The following CDH7 variants were observed in gnomAD, a reference collection of about 807,000 sequenced individuals.
CDH7 encodes the protein cadherin-7.
In CDH7, 25 loss-of-function variants were observed where a neutral mutation model predicts 71.8. The ratio of observed to expected loss-of-function variants is 0.35; its 90% CI spans 0.25 to 0.49. The LOEUF (loss-of-function observed/expected upper bound fraction) is 0.49. Ranked by LOEUF, CDH7 falls within the 20% of genes least tolerant of loss-of-function variation. The pLI, the probability that CDH7 is intolerant of heterozygous loss-of-function variation, is 0.99. For missense variants in CDH7, 862 were observed against 974.6 expected, an observed-to-expected ratio of 0.88 and a Z score of 1.54; for synonymous variants, 381 against 363.8, an observed-to-expected ratio of 1.05 and a Z score of -0.54.
chr18:65,850,189 A>ATAT (rs373950984), intron 7 of CDH7, among the ~76,000 whole-genome samples: 15,141 of 143,638 alleles, frequency 0.11, 1,657 homozygotes, highest in African/African-American at 0.28. Flanking sequence ...TATATATATA[A>ATAT]AATTAAATAC....
At chr18:65,801,534 A>G (rs894890081) in intron 2 of CDH7, among the ~76,000 whole-genome samples, 22 of 152,150 alleles carry the variant, frequency 1.4e-4, no homozygotes, top group Non-Finnish European at 2.6e-4. Context: ...CACACTTTTG[A>G]TGGATTTAGA....
intron 6 of CDH7, among the ~76,000 whole-genome samples, chr18:65,835,940 G>T (rs570556522): frequency 1.3e-5 from 2 of 152,236 alleles, no homozygotes; most frequent in Admixed American, 6.5e-5. Context: ...ACATAATTGG[G>T]TGCAGTATAA....
chr18:65,843,942 T>C lies in CDH7; in HGVS notation c.1112T>C (p.Val371Ala). The C allele has an allele frequency of 6.2e-7, 1 of 1,611,764 alleles. No homozygotes were observed. Among genetic ancestry groups the C allele is most frequent in the Non-Finnish European group, 8.5e-7 (1 of 1,178,644 alleles). ...TTTVKIIVED[V>A]DEPPVFSSPL... ...ACTGTGAAGATAATTGTGGAAGATG[T>C]AGATGAGCCCCCTGTGTTCTCTTCA... Residue 371 changes from valine to alanine, a missense_variant, in exon 7 of 12, where the codon GTA becomes GCA. By Grantham distance (64) the Val-to-Ala change is moderately conservative. Transcript: ENST00000397968.
chr18:65,813,016 C>CA (rs1911596874), intron 3 of CDH7, among the ~76,000 whole-genome samples: 1 of 152,138 alleles, frequency 6.6e-6, no homozygotes, highest in Non-Finnish European at 1.5e-5. Flanking sequence ...ATCCACAGGG[C>CA]ACAATCATCT....
In CDH7 at chr18:65,858,969, C is replaced by T. The variant is rs770479958; in HGVS notation, c.1417C>T (p.Leu473Phe). 1.9e-6 allele frequency: 3 copies of T among 1,611,964 alleles called. No homozygotes were observed. Among genetic ancestry groups the T allele is most frequent in the African/African-American group, 1.3e-5 (1 of 74,854 alleles). The stretch of plus-strand genomic sequence containing the variant: ...AAGAGGCTATGTGGCCATCACTATA[C>T]TTGACATCAATGATAACGCCCCTGA... ...VGRGYVAITILDINDNAPEFA... is the reference protein window; with the variant it reads ...VGRGYVAITIFDINDNAPEFA... Residue 473 changes from leucine (L) to phenylalanine (F), a missense_variant, in exon 9 of 12, where the codon CTT (leucine) becomes TTT (phenylalanine). Transcript: ENST00000397968.
At chr18:65,809,340 A>G (rs1281723741) in intron 2 of CDH7, among the ~76,000 whole-genome samples, 1 of 152,256 alleles carries the variant, frequency 6.6e-6, no homozygotes, top group African/African-American at 2.4e-5. Context: ...TTTGCTTAGA[A>G]TAGATCAAAT....
intron 6 of CDH7, among the ~76,000 whole-genome samples, chr18:65,831,644 T>C (rs12455246): frequency 0.81 from 122,838 of 151,942 alleles, 53,674 homozygotes; most frequent in East Asian, 0.99. Flanking sequence ...ATACCCTAGA[T>C]AAAACTTTTC....
At position 65,782,162 on chromosome 18, in the gene CDH7, CT is replaced by C. The variant is rs1466611619; in HGVS notation, c.210+19112del. On this transcript the variant is annotated intron_variant, in intron 2 of 11. Transcript: ENST00000397968. Reference sequence around the variant, plus strand: ...TCTTTCTTTCTTTCTTTCTTTCTTTCTTCCTTTCTTTCTTTCTTTCTTTCTT... The same window carrying C: ...TCTTTCTTTCTTTCTTTCTTTCTTTCTCCTTTCTTTCTTTCTTTCTTTCTT... 3.5e-4 allele frequency among the ~76,000 whole-genome samples: 37 copies of C among 106,474 alleles called. 6 individuals carry two copies. Among genetic ancestry groups the C allele is most frequent in the African/African-American group, 1.7e-3 (35 of 20,494 alleles). The allele number at this position is 106,474 out of a possible 152,430, so 69.9% of individuals were successfully genotyped here. A position where few individuals can be genotyped will look rare whatever the true frequency, so the allele number is the denominator to read the frequency against.
chr18:65,800,743 A>G (rs965331525), intron 2 of CDH7, among the ~76,000 whole-genome samples: 2 of 152,210 alleles, frequency 1.3e-5, no homozygotes, highest in African/African-American at 4.8e-5. Flanking sequence ...TAATATATTT[A>G]TGTGATAAGA....
At chr18:65,768,611 T>C (rs1916450801) in intron 2 of CDH7, among the ~76,000 whole-genome samples, 1 of 152,214 alleles carries the variant, frequency 6.6e-6, no homozygotes, top group African/African-American at 2.4e-5. Context: ...TGCGCTGTAA[T>C]TGTTTGGACA....
intron 5 of CDH7, among the ~76,000 whole-genome samples, chr18:65,823,615 A>G (rs1486280706): frequency 6.6e-6 from 1 of 151,962 alleles, no homozygotes; most frequent in Non-Finnish European, 1.5e-5. Context: ...GAAAGGGGTC[A>G]CTCAAAAGTA....
chr18:65,763,977 G>T (rs1267717575), intron 2 of CDH7, among the ~76,000 whole-genome samples: 2 of 151,824 alleles, frequency 1.3e-5, no homozygotes, highest in African/African-American at 4.8e-5. Context: ...CCTGGTGAAG[G>T]TTTTCTAAAT....
At chr18:65,804,916 G>T (rs945691542) in intron 2 of CDH7, among the ~76,000 whole-genome samples, 3 of 151,922 alleles carry the variant, frequency 2.0e-5, no homozygotes, top group Admixed American at 6.6e-5. Flanking sequence ...CCATCTAAGT[G>T]GTTCAGAGGA....
In CDH7 at chr18:65,778,529, C is replaced by CTTTTTTTTTTTTTTTTTTTTTTTTTTT. The variant is rs1156727313; in HGVS notation, c.210+15497_210+15498insTTTTTTTTTTTTTTTTTTTTTTTTTTT. On this transcript the variant is annotated intron_variant, in intron 2 of 11. Coordinates refer to ENST00000397968, the MANE Select transcript of CDH7 (RefSeq NM_004361.5). ...AATTTTTTGCCCCAGGCGTCTCACT[C>CTTTTTTTTTTTTTTTTTTTTTTTTTTT]TTTTTTTTTTTTTTTTTTTTACATA... Among the ~76,000 whole-genome samples the CTTTTTTTTTTTTTTTTTTTTTTTTTTT allele has an allele frequency of 1.3e-4, 11 of 84,324 alleles. 1 individual carries two copies. The highest frequency in any genetic ancestry group is 4.6e-4 in the South Asian group (1 of 2,174). 55.3% of individuals were successfully genotyped at this position (84,324 alleles called of 152,430 possible).
In CDH7 at chr18:65,844,074, T is replaced by C. The variant is rs1001412769; in HGVS notation, c.1235+9T>C. Reference sequence around the variant, plus strand: ...TCCAATAGCCCTGTGAGGTAAAAACTCATTGTTGTCCTTTTCTATGGTTTT... The same window carrying C: ...TCCAATAGCCCTGTGAGGTAAAAACCCATTGTTGTCCTTTTCTATGGTTTT... On this transcript the variant is annotated intron_variant, in intron 7 of 11. Coordinates refer to ENST00000397968, the MANE Select transcript of CDH7 (RefSeq NM_004361.5). The C allele has an allele frequency of 1.2e-6, 2 of 1,609,894 alleles. No individual in the cohort carries two copies. The highest frequency in any genetic ancestry group is 1.3e-5 in the African/African-American group (1 of 74,282).
chr18:65,878,392 G>GA (rs1914130475), intron 11 of CDH7, among the ~76,000 whole-genome samples: 1 of 152,166 alleles, frequency 6.6e-6, no homozygotes, highest in Non-Finnish European at 1.5e-5. Context: ...CAATTAGTTT[G>GA]AAAGTTACTT....
Position 65,886,135 on chromosome 18 carries a change from A to G in CDH7, c.*5241A>G, listed in dbSNP as rs1843184. ...TCATTCTCTGAACTTTTATAGCTTC[A>G]TGATTAAAATTGAGTTAATTACTAT... On this transcript the variant is annotated 3_prime_UTR_variant, in exon 12 of 12. Coordinates refer to ENST00000397968, the MANE Select transcript of CDH7 (RefSeq NM_004361.5). 0.52 allele frequency: 78,314 copies of G among 152,016 alleles called. 22,620 individuals carry two copies. The highest frequency in any genetic ancestry group is 0.7 in the East Asian group (3,608 of 5,178). The allele number at this position is 152,016 out of a possible 1,614,324, so 9.4% of individuals were successfully genotyped here.
chr18:65,850,705 G>A (rs906578855), intron 7 of CDH7, among the ~76,000 whole-genome samples: 3 of 151,860 alleles, frequency 2.0e-5, no homozygotes, highest in Non-Finnish European at 4.4e-5. Context: ...ATTTGAAAAA[G>A]TATAAAACCC....
chr18:65,816,834 C>A lies in CDH7; in HGVS notation c.625+2230C>A, dbSNP rs1911741200. On this transcript the variant is annotated intron_variant, in intron 4 of 11. Transcript: ENST00000397968. Reference sequence around the variant, plus strand: ...AAAGCAACATTCCCTTGAAACTTCTCACCACCTAATTTCATAATGTCCCAA... The same window carrying A: ...AAAGCAACATTCCCTTGAAACTTCTAACCACCTAATTTCATAATGTCCCAA... 1.3e-5 allele frequency among the ~76,000 whole-genome samples: 2 copies of A among 152,202 alleles called. 1 individual carries two copies. Among genetic ancestry groups the A allele is most frequent in the South Asian group, 4.1e-4 (2 of 4,830 alleles).
Sources: gnomAD v4.1 joint callset for allele counts (sites outside exome capture counted in the v4.1 genomes callset) on GRCh38, gnomAD v4.1.1 for gene constraint, MANE v1.5 for transcripts, NCBI Gene and HGNC (gene_info 2026-07-23, HGNC 2026-07-21) for gene names.